EPHA8: variants seen among roughly 807,000 people sequenced by gnomAD.
The protein encoded by EPHA8 is ephrin type-A receptor 8.
Under a neutral mutation model 103.6 loss-of-function variants are expected in EPHA8, and 58 were observed. The ratio of observed to expected loss-of-function variants is 0.56; its 90% confidence interval spans 0.45 to 0.70. EPHA8 has a LOEUF of 0.70. Ranked by LOEUF, EPHA8 falls within the 30% of genes least tolerant of loss-of-function variation. EPHA8 has a pLI of 0.00. For missense variants in EPHA8, 1,304 were observed against 1,395.2 expected, an observed-to-expected ratio of 0.93 and a Z score of 1.04; for synonymous variants, 559 against 572.5, an observed-to-expected ratio of 0.98 and a Z score of 0.34.
At chr1:22,591,369 C>T (rs1641367699) in intron 5 of EPHA8, among the ~76,000 whole-genome samples, 1 of 151,158 alleles carries the variant, frequency 6.6e-6, no homozygotes, top group Non-Finnish European at 1.5e-5. Flanking sequence ...ACCAAGGGCA[C>T]ACACCACCAT....
At chr1:22,601,203 G>C in intron 15 of EPHA8, 97 bp from the exon 16 acceptor site, 20 of 1,530,110 alleles carry the variant, frequency 1.3e-5, no homozygotes, top group Non-Finnish European at 1.7e-5. Context: ...CTGGGCCCCC[G>C]GCCCCTGCCC....
Position 22,598,324 on chromosome 1 carries a change from G to A in EPHA8, c.2178+112G>A, listed in dbSNP as rs1029604278. On this transcript the variant is annotated intron_variant, in intron 12 of 16. Coordinates refer to ENST00000166244, the MANE Select transcript of EPHA8 (RefSeq NM_020526.5). The surrounding 1 kb of genome is among the most constrained non-coding windows in gnomAD (Gnocchi z 5.1). ...CCCCTCCCTGGCTTGGACACCACAG[G>A]CCGGGGGACAGGAGGCAGGTATAGG... The A allele has an allele frequency of 1.9e-6, 2 of 1,081,040 alleles. No homozygotes were observed. Among genetic ancestry groups the A allele is most frequent in the African/African-American group, 3.2e-5 (2 of 63,166 alleles). 67.0% of individuals were successfully genotyped at this position (1,081,040 alleles called of 1,614,324 possible).
chr1:22,601,654 C>A lies in EPHA8; in HGVS notation c.2931C>A (p.Leu977=). Residue 977 remains leucine (L), a synonymous_variant, in exon 17 of 17, where the codon CTC becomes CTA. Transcript: ENST00000166244. ...AQDVRALGIT[L]MGHQKKILGS... Reference sequence around the variant, plus strand: ...ACGTGCGCGCCCTGGGCATCACCCTCATGGGCCACCAGAAGAAGATCCTGG... The same window carrying A: ...ACGTGCGCGCCCTGGGCATCACCCTAATGGGCCACCAGAAGAAGATCCTGG... 1 of 1,594,940 alleles carries A rather than the reference C, an allele frequency of 6.3e-7. No homozygotes were observed. The highest frequency in any genetic ancestry group is 1.1e-5 in the South Asian group (1 of 88,298).
In EPHA8 at chr1:22,585,048, T is replaced by TGC. The variant is rs1553146979; in HGVS notation, c.824-1431_824-1430insCG. 5.8e-3 allele frequency among the ~76,000 whole-genome samples: 651 copies of TGC among 111,338 alleles called. 4 individuals are homozygous for TGC. The highest frequency in any genetic ancestry group is 0.024 in the African/African-American group (534 of 22,168). The allele number at this position is 111,338 out of a possible 152,430, so 73.0% of individuals were successfully genotyped here. A position where few individuals can be genotyped will look rare whatever the true frequency, so the allele number is the denominator to read the frequency against. On this transcript the variant is annotated intron_variant, in intron 3 of 16. Coordinates refer to ENST00000166244, the MANE Select transcript of EPHA8 (RefSeq NM_020526.5). The stretch of plus-strand genomic sequence containing the variant: ...TTCTCTGTGTGTGTGTGTGTGTGTG[T>TGC]GTGCGCACGCGTGTGTCTAGAGTTC...
chr1:22,589,652 G>C lies in EPHA8; in HGVS notation c.1315+446G>C, dbSNP rs776662603. On this transcript the variant is annotated intron_variant, in intron 5 of 16. Transcript: ENST00000166244. This position sits in a 1 kb window ranked among gnomAD's most constrained non-coding sequence, Gnocchi z 4.3. ...CGGATGATCATTTTCCAGAACAGCT[G>C]CTACAGCTGCCCTTGGGATAGACTT... 4 of 1,173,362 alleles carry C rather than the reference G, an allele frequency of 3.4e-6. No homozygotes were observed. The highest frequency in any genetic ancestry group is 4.2e-6 in the Non-Finnish European group (4 of 951,090). The allele number at this position is 1,173,362 out of a possible 1,614,324, so 72.7% of individuals were successfully genotyped here.
At chr1:22,573,350 A>G (rs1012289524) in intron 2 of EPHA8, among the ~76,000 whole-genome samples, 1 of 152,260 alleles carries the variant, frequency 6.6e-6, no homozygotes, top group South Asian at 2.1e-4. Context: ...AAATTTTCCC[A>G]TTGCATCCTC....
intron 3 of EPHA8, among the ~76,000 whole-genome samples, chr1:22,585,048 T>TGCGCGCGCGCGCGC: frequency 9.0e-6 from 1 of 111,284 alleles, no homozygotes; most frequent in Admixed American, 8.3e-5. Context: ...TGTGTGTGTG[T>TGCGCGCGCGCGCGC]GTGCGCACGC....
In EPHA8 at chr1:22,600,921, G is replaced by A; in HGVS notation, c.2562G>A (p.Gly854=). 6.2e-7 allele frequency: 1 copy of A among 1,610,128 alleles called. No individual in the cohort carries two copies. The highest frequency in any genetic ancestry group is 8.5e-7 in the Non-Finnish European group (1 of 1,178,326). Residue 854 remains glycine (G), a synonymous_variant, in exon 15 of 17, where the codon GGG becomes GGA. Coordinates refer to ENST00000166244, the MANE Select transcript of EPHA8 (RefSeq NM_020526.5). ...NRDVISSVEE[G]YRLPAPMGCP... ...AGGTCATCAGCTCTGTGGAGGAGGG[G>A]TACCGCCTGCCCGCACCCATGGGCT...
Position 22,578,655 on chromosome 1 carries a change from ATG to A in EPHA8, c.823+1778_823+1779del, listed in dbSNP as rs202163238. 8.3e-4 allele frequency among the ~76,000 whole-genome samples: 116 copies of A among 139,102 alleles called. 1 individual carries two copies. In the East Asian group the frequency reaches 0.017, roughly 20 times the overall value. 91.3% of individuals were successfully genotyped at this position (139,102 alleles called of 152,430 possible). ...CATGTGTGTATGTGTATGTGTGTGCATGTGAGTGTATGTATGCATTTGTGCAT... is the reference window on the plus strand; with the variant it reads ...CATGTGTGTATGTGTATGTGTGTGCATGAGTGTATGTATGCATTTGTGCAT... On this transcript the variant is annotated intron_variant, in intron 3 of 16. Coordinates refer to ENST00000166244, the MANE Select transcript of EPHA8 (RefSeq NM_020526.5).
intron 5 of EPHA8, among the ~76,000 whole-genome samples, chr1:22,590,620 C>G (rs1465417026): frequency 6.6e-6 from 1 of 152,144 alleles, no homozygotes; most frequent in African/African-American, 2.4e-5. Context: ...CCCTCTCTGT[C>G]TTTGTAGCCC....
chr1:22,601,766 G>T lies in EPHA8; in HGVS notation c.*25G>T. 1 of 1,545,442 alleles carries T rather than the reference G, an allele frequency of 6.5e-7. No homozygotes were observed. Among genetic ancestry groups the T allele is most frequent in the Non-Finnish European group, 8.7e-7 (1 of 1,144,172 alleles). On this transcript the variant is annotated 3_prime_UTR_variant, in exon 17 of 17. Coordinates refer to ENST00000166244, the MANE Select transcript of EPHA8 (RefSeq NM_020526.5). ...ATGTACAGCCAGCAGGGCCCAGGCA[G>T]CCACCAAGCCCACCCCAGGTCATGC... is the stretch of plus-strand genomic sequence containing the variant.
At position 22,577,849 on chromosome 1, in the gene EPHA8, TGCATGC is replaced by T. The variant is rs1557558397; in HGVS notation, c.823+971_823+976del. ...ATGTGTGCGTGTGTGCATGTATGTG[TGCATGC>T]GTATGTATGCATTGTGTGGGCCTGT... On this transcript the variant is annotated intron_variant, in intron 3 of 16. Coordinates refer to ENST00000166244, the MANE Select transcript of EPHA8 (RefSeq NM_020526.5). Among the ~76,000 whole-genome samples, 185 of 109,344 alleles carry T rather than the reference TGCATGC, an allele frequency of 1.7e-3. 1 individual carries two copies. The highest frequency in any genetic ancestry group is 7.5e-3 in the African/African-American group (178 of 23,810). The allele number at this position is 109,344 out of a possible 152,430, so 71.7% of individuals were successfully genotyped here. A position where few individuals can be genotyped will look rare whatever the true frequency, so the allele number is the denominator to read the frequency against.
At chr1:22,592,885 T>C (rs999270597) in intron 5 of EPHA8, among the ~76,000 whole-genome samples, 14 of 152,090 alleles carry the variant, frequency 9.2e-5, no homozygotes, top group African/African-American at 3.4e-4. Flanking sequence ...GGGAGAATAC[T>C]TGGGGCTCAG....
In EPHA8 at chr1:22,593,382, C is replaced by A; in HGVS notation, c.1372C>A (p.Leu458Met). 6.3e-7 allele frequency: 1 copy of A among 1,595,486 alleles called. No individual in the cohort carries two copies. Among genetic ancestry groups the A allele is most frequent in the Non-Finnish European group, 8.5e-7 (1 of 1,171,768 alleles). Residue 458 changes from leucine (L) to methionine (M), a missense_variant, in exon 6 of 17, where the codon CTG (leucine) becomes ATG (methionine). By Grantham distance (15) the Leu-to-Met change is conservative. Transcript: ENST00000166244. ...GCGGGCGGGGCAGACCAGCGTCTCG[C>A]TGCTGTGGCAGGAGCCCGAGCAGCC... ...QERAGQTSVS[L>M]LWQEPEQPNG...
At chr1:22,594,831 G>A (rs1262215324) in intron 7 of EPHA8, among the ~76,000 whole-genome samples, 1 of 152,186 alleles carries the variant, frequency 6.6e-6, no homozygotes, top group Admixed American at 6.5e-5. Context: ...GATAGTGCTG[G>A]GGTCTCTCTG....
Position 22,597,575 on chromosome 1 carries a change from AG to A in EPHA8, c.1931-97del. On this transcript the variant is annotated intron_variant, in intron 10 of 16. Transcript: ENST00000166244. This position sits in a 1 kb window ranked among gnomAD's most constrained non-coding sequence, Gnocchi z 4.6. Reference sequence around the variant, plus strand: ...CCAGGGCAGAGGGAGCGTGTGACCCAGGGGTCTGGCAAGCCCAGGGGGTCCA... The same window carrying A: ...CCAGGGCAGAGGGAGCGTGTGACCCAGGGTCTGGCAAGCCCAGGGGGTCCA... 6.4e-7 allele frequency: 1 copy of A among 1,556,090 alleles called. No homozygotes were observed. Among genetic ancestry groups the A allele is most frequent in the Non-Finnish European group, 8.7e-7 (1 of 1,149,290 alleles).
At chr1:22,601,536 G>T in intron 16 of EPHA8, 63 bp downstream of exon 16, 1 of 1,599,428 alleles carries the variant, frequency 6.3e-7, no homozygotes. Context: ...CCCCTGCCGG[G>T]GAGGCTACAG....
intron 7 of EPHA8, 131 bp downstream of exon 7, chr1:22,593,817 A>G (rs1448908819): frequency 1.7e-6 from 2 of 1,144,824 alleles, no homozygotes; most frequent in East Asian, 2.7e-5. Flanking sequence ...TCCTTGCCCT[A>G]CCAAGTGGGG....
Position 22,589,285 on chromosome 1 carries a change from CTGCCGGGGACG to C in EPHA8, c.1315+83_1315+93del. On this transcript the variant is annotated intron_variant, in intron 5 of 16. Coordinates refer to ENST00000166244, the MANE Select transcript of EPHA8 (RefSeq NM_020526.5). The surrounding 1 kb of genome is among the most constrained non-coding windows in gnomAD (Gnocchi z 4.3). ...TCAGACCCATCCAGGGATCAGAGCT[CTGCCGGGGACG>C]TGCTGTGGGCCTTTAGGCAAGTGCC... is the stretch of plus-strand genomic sequence containing the variant. The C allele has an allele frequency of 6.2e-7, 1 of 1,613,636 alleles. No homozygotes were observed. Among genetic ancestry groups the C allele is most frequent in the African/African-American group, 1.3e-5 (1 of 75,072 alleles).
Sources: gnomAD v4.1 joint callset for allele counts (sites outside exome capture counted in the v4.1 genomes callset) on GRCh38, gnomAD v4.1.1 for gene constraint, Gnocchi (gnomAD v3.1) non-coding constraint, MANE v1.5 for transcripts, NCBI Gene and HGNC (gene_info 2026-07-23, HGNC 2026-07-21) for gene names.